Variants in DIS3L2 observed in about 807,000 individuals in gnomAD.
The protein encoded by DIS3L2 is DIS3 like 3'-5' exoribonuclease 2.
Under a neutral mutation model 97.5 loss-of-function variants are expected in DIS3L2, and 34 were observed. The ratio of observed to expected loss-of-function variants is 0.35; its 90% CI spans 0.27 to 0.46. The LOEUF (loss-of-function observed/expected upper bound fraction) is 0.46. Among genes scored for constraint, DIS3L2 ranks in the 20% least tolerant of loss-of-function variants. The pLI is 1.00. For missense variants in DIS3L2, 1,038 were observed against 1,146.0 expected (o/e 0.91, Z 1.36); for synonymous variants, 435 against 445.2 (o/e 0.98, Z 0.29).
intron 5 of DIS3L2, among the ~76,000 whole-genome samples, chr2:232,058,486 G>T (rs1343045532): frequency 6.6e-6 from 1 of 152,148 alleles, no homozygotes; most frequent in East Asian, 1.9e-4. Context: ...AGCTAATTTT[G>T]CAGGTTGTGG....
chr2:232,094,166 T>G (rs1696928803), intron 6 of DIS3L2, among the ~76,000 whole-genome samples: 1 of 152,166 alleles, frequency 6.6e-6, no homozygotes, highest in African/African-American at 2.4e-5. Flanking sequence ...TTTGTTCCAT[T>G]GTGGTCAGAG....
chr2:232,228,482 A>G (rs755928304), intron 10 of DIS3L2, among the ~76,000 whole-genome samples: 1 of 152,210 alleles, frequency 6.6e-6, no homozygotes, highest in Non-Finnish European at 1.5e-5. Flanking sequence ...TGCCTACTGT[A>G]GTTACATTTC....
chr2:232,264,187 G>C (rs1352229589), intron 13 of DIS3L2, among the ~76,000 whole-genome samples: 1 of 152,238 alleles, frequency 6.6e-6, no homozygotes, highest in Non-Finnish European at 1.5e-5. Context: ...TGCTGCCACT[G>C]ACCTGACAGG....
At chr2:232,329,785 T>TGCCGGGGGGGGGGCCC in intron 14 of DIS3L2, 28 bp from the exon 15 acceptor site, 45 of 967,128 alleles carry the variant, frequency 4.7e-5, no homozygotes, top group Non-Finnish European at 5.8e-5. Flanking sequence ...ACCCCAGCGG[T>TGCCGGGGGGGGGGCCC]CCCTCCCATC....
At chr2:232,324,678 C>G (rs1695525941) in intron 14 of DIS3L2, among the ~76,000 whole-genome samples, 1 of 152,162 alleles carries the variant, frequency 6.6e-6, no homozygotes, top group African/African-American at 2.4e-5. Flanking sequence ...GAAGAAACTT[C>G]TAGAAATGTT....
chr2:232,057,162 T>C (rs1393080218), intron 5 of DIS3L2, among the ~76,000 whole-genome samples: 4 of 152,154 alleles, frequency 2.6e-5, no homozygotes, highest in South Asian at 4.1e-4. Context: ...GTTCTACTTA[T>C]AAGCATAAAA....
chr2:232,342,480 T>G (rs73101285), intron 13 of DIS3L2, among the ~76,000 whole-genome samples: 20,160 of 152,122 alleles, frequency 0.13, 2,205 homozygotes, highest in African/African-American at 0.3. Context: ...TGTTTGATAC[T>G]TTAAACTACA....
chr2:232,125,214 G>A (rs1375932653), intron 6 of DIS3L2, among the ~76,000 whole-genome samples: 1 of 152,202 alleles, frequency 6.6e-6, no homozygotes, highest in Non-Finnish European at 1.5e-5. Flanking sequence ...TTGCCCTTAG[G>A]CACACTGCTT....
chr2:232,105,825 T>C (rs1231745850), intron 6 of DIS3L2, among the ~76,000 whole-genome samples: 5 of 152,166 alleles, frequency 3.3e-5, no homozygotes, highest in Non-Finnish European at 7.3e-5. Flanking sequence ...TGCCTGTCCT[T>C]CTCCTTTGTT....
intron 10 of DIS3L2, among the ~76,000 whole-genome samples, chr2:232,225,050 A>T (rs1574956853): frequency 6.6e-6 from 1 of 152,210 alleles, no homozygotes; most frequent in Non-Finnish European, 1.5e-5. Context: ...ACAATAAGAT[A>T]CTATTATGTT....
rs1483207953 is a variant in DIS3L2, at chr2:232,293,574, CGGGGAGT to C, written c.1660-6464_1660-6458del. ...AACCCCTCAGGGAAGTGGACCGCGTCGGGGAGTGCATGGAGCTCTGCAGGAGCTGGAG... is the reference window on the plus strand; with the variant it reads ...AACCCCTCAGGGAAGTGGACCGCGTCGCATGGAGCTCTGCAGGAGCTGGAG... On this transcript the variant is annotated intron_variant, in intron 13 of 20. Coordinates refer to ENST00000325385, the MANE Select transcript of DIS3L2 (RefSeq NM_152383.5). This position sits in a 1 kb window ranked among gnomAD's most constrained non-coding sequence, Gnocchi z 4.6. Among the ~76,000 whole-genome samples the C allele has an allele frequency of 1.3e-5, 2 of 152,272 alleles. No homozygotes were observed. The highest frequency in any genetic ancestry group is 1.9e-4 in the East Asian group (1 of 5,174).
chr2:232,186,588 T>TA (rs1691442454), intron 9 of DIS3L2, among the ~76,000 whole-genome samples: 1 of 152,152 alleles, frequency 6.6e-6, no homozygotes, highest in African/African-American at 2.4e-5. Flanking sequence ...ACAGAGATCA[T>TA]ATCACAAAGA....
rs147026494 is a variant in DIS3L2 at position 232,220,182 on chromosome 2, G to A, written c.1204+9777G>A. 5.4e-3 allele frequency among the ~76,000 whole-genome samples: 819 copies of A among 152,012 alleles called. 10 individuals carry two copies. Among genetic ancestry groups the A allele is most frequent in the African/African-American group, 0.018 (753 of 41,470 alleles). On this transcript the variant is annotated intron_variant, in intron 10 of 20. Transcript: ENST00000325385. ...AAATAAGCTGGGCATAGTGATGTGC[G>A]TCTGTAGTCCTAGCCACGTGGGAGG...
chr2:232,245,970 C>T (rs1041646819), intron 11 of DIS3L2, among the ~76,000 whole-genome samples: 5 of 152,196 alleles, frequency 3.3e-5, no homozygotes, highest in African/African-American at 4.8e-5. Flanking sequence ...GGTGGTCCAT[C>T]TCCTGGGCAG....
intron 5 of DIS3L2, among the ~76,000 whole-genome samples, chr2:232,060,398 A>T (rs1695672374): frequency 6.6e-6 from 1 of 151,996 alleles, no homozygotes; most frequent in Admixed American, 6.6e-5. Flanking sequence ...ATCCATTTTG[A>T]TGTGATTTTT....
At chr2:232,168,925 C>T (rs1690901756) in intron 9 of DIS3L2, among the ~76,000 whole-genome samples, 2 of 151,958 alleles carry the variant, frequency 1.3e-5, no homozygotes, top group Non-Finnish European at 2.9e-5. Context: ...GTTTTTATAC[C>T]AAAAATATTT....
chr2:232,328,481 C>G (rs1194909272), intron 14 of DIS3L2: 2 of 152,200 alleles, frequency 1.3e-5, no homozygotes, highest in Non-Finnish European at 2.9e-5. Context: ...AGGAGGGGCT[C>G]TATATGCCAG....
At chr2:232,280,304 T>A (rs1694248623) in intron 13 of DIS3L2, among the ~76,000 whole-genome samples, 1 of 152,214 alleles carries the variant, frequency 6.6e-6, no homozygotes, top group South Asian at 2.1e-4. Context: ...GGGTGGCTTT[T>A]AAACAGATAC....
chr2:232,195,074 AGAGTTTTGGCCCAAAAT>A (rs1410756530), intron 9 of DIS3L2, among the ~76,000 whole-genome samples: 2 of 152,226 alleles, frequency 1.3e-5, no homozygotes, highest in African/African-American at 4.8e-5. Context: ...ATGATACAAC[AGAGTTTTGGCCCAAAAT>A]GAGTACTTAA....
Sources: allele counts gnomAD v4.1 joint callset (sites outside exome capture counted in the v4.1 genomes callset), GRCh38; gene constraint gnomAD v4.1.1; non-coding constraint Gnocchi (gnomAD v3.1); transcripts MANE v1.5; gene names NCBI Gene and HGNC (gene_info 2026-07-23, HGNC 2026-07-21).